Variants in TMEM150B observed in about 807,000 individuals in gnomAD.
The protein encoded by TMEM150B is transmembrane protein 150B, also known as modulator of macroautophagy TMEM150B.
In TMEM150B, 33 loss-of-function variants were observed where a neutral mutation model predicts 25.2. That is an observed-to-expected ratio of 1.31 (90% confidence interval 0.99 to 1.75). The LOEUF (loss-of-function observed/expected upper bound fraction) is 1.75, where lower values mean the gene tolerates loss of function less well. TMEM150B is among the 40% of genes most tolerant of loss of function. The pLI, the probability that TMEM150B is intolerant of heterozygous loss-of-function variation, is 0.00. For synonymous variants in TMEM150B, 133 were observed against 134.8 expected (o/e 0.99, Z 0.09); for missense variants, 322 against 306.1 (o/e 1.05, Z -0.39).
chr19:55,311,943 G>A, downstream of TMEM150B: 2 of 1,611,226 alleles, frequency 1.2e-6, no homozygotes, highest in Non-Finnish European at 8.5e-7. Context: ...CCGGCCTGCT[G>A]GTGCCCCACC....
chr19:55,320,001 CCG>C (rs2089150373), intron 6 of TMEM150B, 36 bp downstream of exon 6: 2 of 1,612,850 alleles, frequency 1.2e-6, no homozygotes, highest in Admixed American at 3.3e-5. Flanking sequence ...GTTCCAGACG[CCG>C]GCCGGGACAG....
At position 55,312,981 on chromosome 19, in the gene TMEM150B, C is replaced by T. The variant is rs1033483663; in HGVS notation, c.580G>A (p.Ala194Thr). Residue 194 changes from alanine to threonine, a missense_variant, in exon 8 of 8, where the codon GCG becomes ACG. Physicochemically the swap from Ala to Thr is moderately conservative, Grantham distance 58. Coordinates refer to ENST00000326652, the MANE Select transcript of TMEM150B (RefSeq NM_001282011.2). The part of the protein sequence containing the change: ...CEWVVAMLLF[A>T]LFGLLAVDFS... Reference sequence around the variant, plus strand: ...TCAACGGCTAAGAGACCGAAGAGCGCGAACAGCAGCATGGCCACGACCCAC... The same window carrying T: ...TCAACGGCTAAGAGACCGAAGAGCGTGAACAGCAGCATGGCCACGACCCAC... 1.2e-5 allele frequency: 19 copies of T among 1,613,632 alleles called. No individual in the cohort carries two copies. The highest frequency in any genetic ancestry group is 2.2e-5 in the South Asian group (2 of 91,052).
intron 6 of TMEM150B, among the ~76,000 whole-genome samples, chr19:55,318,189 T>C (rs1473886360): frequency 1.3e-5 from 2 of 151,206 alleles, no homozygotes; most frequent in Admixed American, 6.6e-5. Context: ...GGTGAAACCT[T>C]ATCTCTACTA....
downstream of TMEM150B, chr19:55,312,060 C>A: frequency 1.4e-6 from 2 of 1,433,844 alleles, no homozygotes; most frequent in East Asian, 2.8e-5. Flanking sequence ...CGGGACCCCT[C>A]TGCCCTGACC....
chr19:55,322,986 A>G (rs1052679195), intron 1 of TMEM150B, among the ~76,000 whole-genome samples: 1 of 152,034 alleles, frequency 6.6e-6, no homozygotes, highest in African/African-American at 2.4e-5. Flanking sequence ...CAGGAGTCCA[A>G]GCTCCAACTC....
chr19:55,323,162 C>T (rs190927707), intron 1 of TMEM150B, among the ~76,000 whole-genome samples: 222 of 152,272 alleles, frequency 1.5e-3, no homozygotes, highest in African/African-American at 5.1e-3. Flanking sequence ...CCAGGCACGG[C>T]GGCTCACGCC....
At chr19:55,314,864 G>T (rs534490089) in intron 7 of TMEM150B, among the ~76,000 whole-genome samples, 1 of 152,166 alleles carries the variant, frequency 6.6e-6, no homozygotes, top group Non-Finnish European at 1.5e-5. Context: ...TCCAAGAAAC[G>T]GATGCACTTA....
intron 6 of TMEM150B, among the ~76,000 whole-genome samples, chr19:55,318,568 G>A (rs554232608): frequency 1.8e-4 from 27 of 151,954 alleles, no homozygotes; most frequent in East Asian, 7.7e-4. Flanking sequence ...CCCAGCAGGC[G>A]GAGGTTGCGG....
chr19:55,318,502 G>A (rs113435022), intron 6 of TMEM150B, among the ~76,000 whole-genome samples: 2,659 of 152,186 alleles, frequency 0.017, 89 homozygotes, highest in African/African-American at 0.061. Flanking sequence ...CAGGCCTGGT[G>A]GCAGGTGCCT....
Position 55,318,283 on chromosome 19 carries a change from G to A in TMEM150B, c.325-1317C>T, listed in dbSNP as rs10221495. Among the ~76,000 whole-genome samples, 587 of 152,116 alleles carry A rather than the reference G, an allele frequency of 3.9e-3. 5 individuals are homozygous for A. Among genetic ancestry groups the A allele is most frequent in the African/African-American group, 0.013 (560 of 41,494 alleles). ...AGCTGAAGTTAGGAGAATCACTTGA[G>A]CCCGGGAGATGGAGGTTGCAGTAAG... On this transcript the variant is annotated intron_variant, in intron 6 of 7. Transcript: ENST00000326652.
chr19:55,315,656 G>A (rs2088972537), intron 7 of TMEM150B, among the ~76,000 whole-genome samples: 1 of 152,022 alleles, frequency 6.6e-6, no homozygotes, highest in African/African-American at 2.4e-5. Flanking sequence ...AGCTACTCAG[G>A]AGGCTGAGGC....
intron 7 of TMEM150B, among the ~76,000 whole-genome samples, chr19:55,313,780 T>C (rs2088896151): frequency 6.7e-6 from 1 of 148,234 alleles, no homozygotes; most frequent in Non-Finnish European, 1.5e-5. Flanking sequence ...TTAAGACCTT[T>C]TTCTGCTCTG....
rs751727394 is a variant in TMEM150B at position 55,320,444 on chromosome 19, A to T, written c.143T>A (p.Phe48Tyr). The T allele has an allele frequency of 6.3e-7, 1 of 1,588,780 alleles. No homozygotes were observed. The highest frequency in any genetic ancestry group is 1.1e-5 in the South Asian group (1 of 87,464). ...GCTGAAGATGCAGCTCTGAGGGGGG[A>T]AGGATCCGCAGATGCTGGGGAAGAC... is the stretch of plus-strand genomic sequence containing the variant. ...GFPYISICGSFPPQSCIFSQV... is the reference protein window; with the variant it reads ...GFPYISICGSYPPQSCIFSQV... Residue 48 changes from phenylalanine (F) to tyrosine (Y), a missense_variant, in exon 5 of 8, where the codon TTC (phenylalanine) becomes TAC (tyrosine). Phe to Tyr is a conservative substitution (Grantham distance 22). Transcript: ENST00000326652.
chr19:55,315,627 G>T (rs1212463473), intron 7 of TMEM150B, among the ~76,000 whole-genome samples: 1 of 152,118 alleles, frequency 6.6e-6, no homozygotes, highest in Admixed American at 6.6e-5. Flanking sequence ...TGGGCATGGT[G>T]GCTGGCGCCT....
downstream of TMEM150B, chr19:55,312,111 TTCCGTG>T: frequency 2.4e-6 from 2 of 822,598 alleles, no homozygotes; most frequent in Non-Finnish European, 3.6e-6. Context: ...TCCACCCCCC[TTCCGTG>T]CCCCCCAACT....
chr19:55,322,006 C>T (rs1007033890), intron 2 of TMEM150B, among the ~76,000 whole-genome samples: 5 of 152,188 alleles, frequency 3.3e-5, no homozygotes, highest in Admixed American at 6.5e-5. Context: ...CATCTCCATC[C>T]GAAAATTCCC....
chr19:55,312,184 C>T (rs954829818), downstream of TMEM150B: 31 of 530,232 alleles, frequency 5.8e-5, no homozygotes, highest in South Asian at 5.2e-4. Flanking sequence ...ACACAAAAAC[C>T]GGCCTTGCCC....
downstream of TMEM150B, chr19:55,311,987 C>G: frequency 6.3e-7 from 1 of 1,576,202 alleles, no homozygotes. Context: ...GCCGCCCAGA[C>G]CCAGAGCTGA....
Position 55,321,189 on chromosome 19 carries a change from GGTC to G in TMEM150B, c.-57-99_-57-97del. On this transcript the variant is annotated intron_variant, in intron 2 of 7. Coordinates refer to ENST00000326652, the MANE Select transcript of TMEM150B (RefSeq NM_001282011.2). ...CTCTCAGGCAGAAGTCACCTGTAGG[GGTC>G]TGATCTGATTGGCCAGCTCTCCATT... The G allele has an allele frequency of 3.5e-6, 5 of 1,422,936 alleles. No individual in the cohort carries two copies. In the South Asian group the frequency reaches 7.5e-5, roughly 21 times the overall value. 88.1% of individuals were successfully genotyped at this position (1,422,936 alleles called of 1,614,324 possible). A position where few individuals can be genotyped will look rare whatever the true frequency, so the allele number is the denominator to read the frequency against.
Sources: gnomAD v4.1 joint callset for allele counts (sites outside exome capture counted in the v4.1 genomes callset) on GRCh38, gnomAD v4.1.1 for gene constraint, MANE v1.5 for transcripts, NCBI Gene and HGNC (gene_info 2026-07-23, HGNC 2026-07-21) for gene names.